Variants in GRIP1 observed in about 807,000 individuals in gnomAD.
GRIP1 encodes the protein glutamate receptor interacting protein 1, also known as glutamate receptor-interacting protein 1.
GRIP1 carries 45 observed loss-of-function variants against 129.9 expected under a neutral mutation model. That is an observed-to-expected ratio of 0.35 (90% CI 0.27 to 0.44). The LOEUF is 0.44. Among genes scored for constraint, GRIP1 ranks in the 20% least tolerant of loss-of-function variants. GRIP1 has a pLI of 1.00. For missense variants in GRIP1, 1,196 were observed against 1,396.8 expected (o/e 0.86, Z 2.29); for synonymous variants, 530 against 520.8 (o/e 1.02, Z -0.24).
At chr12:66,364,988 T>A (rs1368934587) in intron 23 of GRIP1, among the ~76,000 whole-genome samples, 1 of 152,174 alleles carries the variant, frequency 6.6e-6, no homozygotes, top group Non-Finnish European at 1.5e-5. Context: ...CTGAGACTTG[T>A]CTCAGTCATT....
At chr12:66,791,567 G>C (rs2038538057) in intron 1 of GRIP1, among the ~76,000 whole-genome samples, 1 of 152,192 alleles carries the variant, frequency 6.6e-6, no homozygotes, top group Admixed American at 6.5e-5. Context: ...GGGTTGTAAG[G>C]ATGAAGTCTC....
At chr12:66,405,339 T>C (rs1201175918) in intron 16 of GRIP1, among the ~76,000 whole-genome samples, 1 of 152,240 alleles carries the variant, frequency 6.6e-6, no homozygotes, top group Admixed American at 6.5e-5. Context: ...GTTTACTTTA[T>C]GGATCCATAT....
chr12:66,963,117 G>A lies in GRIP1; in HGVS notation c.58+105933C>T, dbSNP rs1299091188. ...CTTGAGCCCAGAGTTTGAGATCAGC[G>A]TGAGCAACATGGTGGGACCCCACCT... On this transcript the variant is annotated intron_variant, in intron 1 of 1. Coordinates refer to the GRIP1 transcript ENST00000643019. Among the ~76,000 whole-genome samples the A allele has an allele frequency of 5.3e-5, 8 of 151,942 alleles. No homozygotes were observed. The South Asian group carries it at 6.2e-4, about 12-fold the overall frequency.
At chr12:66,608,983 C>G (rs909544238) in intron 1 of GRIP1, among the ~76,000 whole-genome samples, 2 of 148,012 alleles carry the variant, frequency 1.4e-5, no homozygotes, top group Admixed American at 1.3e-4. Flanking sequence ...TTTTTTACAG[C>G]ACTTATAATC....
chr12:66,946,127 T>G (rs1051245711), intron 1 of GRIP1, among the ~76,000 whole-genome samples: 2 of 152,318 alleles, frequency 1.3e-5, no homozygotes, highest in Non-Finnish European at 1.5e-5. Context: ...AAAAGACCTT[T>G]CTATTTCTTT....
chr12:66,715,320 C>G (rs1438616031), intron 1 of GRIP1, among the ~76,000 whole-genome samples: 1 of 151,990 alleles, frequency 6.6e-6, no homozygotes, highest in African/African-American at 2.4e-5. Context: ...TCTCCCCAGA[C>G]AGTGCTCATG....
At chr12:66,431,935 T>G (rs1180199837) in intron 14 of GRIP1, among the ~76,000 whole-genome samples, 1 of 152,120 alleles carries the variant, frequency 6.6e-6, no homozygotes, top group Non-Finnish European at 1.5e-5. Flanking sequence ...CTGTGCACTA[T>G]GGAGGAATTC....
intron 1 of GRIP1, among the ~76,000 whole-genome samples, chr12:66,953,960 C>T (rs887390955): frequency 6.6e-5 from 10 of 151,896 alleles, no homozygotes; most frequent in African/African-American, 9.7e-5. Flanking sequence ...GCTTTCCGAC[C>T]CCCCAAAACT....
intron 1 of GRIP1, among the ~76,000 whole-genome samples, chr12:66,658,993 G>A (rs1489569271): frequency 6.6e-6 from 1 of 151,928 alleles, no homozygotes; most frequent in Non-Finnish European, 1.5e-5. Flanking sequence ...ATAAAAAGCG[G>A]CTCCTGAACT....
intron 1 of GRIP1, among the ~76,000 whole-genome samples, chr12:66,672,375 G>A (rs1027098766): frequency 6.6e-6 from 1 of 152,134 alleles, no homozygotes; most frequent in Non-Finnish European, 1.5e-5. Context: ...CATTGACTGA[G>A]ACATCCAAGA....
chr12:67,023,803 A>G (rs1005530785), intron 1 of GRIP1, among the ~76,000 whole-genome samples: 9 of 152,184 alleles, frequency 5.9e-5, no homozygotes, highest in Admixed American at 1.3e-4. Flanking sequence ...ACCAGGAACT[A>G]GAGGGTAAGC....
At chr12:67,036,794 T>C (rs1005286356) in intron 1 of GRIP1, among the ~76,000 whole-genome samples, 6 of 152,238 alleles carry the variant, frequency 3.9e-5, no homozygotes, top group Middle Eastern at 3.4e-3. Flanking sequence ...CTTCTACTTA[T>C]CCCATCAAGT....
intron 13 of GRIP1, 34 bp downstream of exon 13, chr12:66,444,550 C>T (rs757521544): frequency 1.4e-6 from 2 of 1,425,648 alleles, no homozygotes; most frequent in Non-Finnish European, 9.8e-7. Flanking sequence ...ATATAACTCA[C>T]ATGCAGTCCA....
chr12:66,822,552 T>C (rs1222688618), intron 1 of GRIP1, among the ~76,000 whole-genome samples: 1 of 152,178 alleles, frequency 6.6e-6, no homozygotes, highest in Non-Finnish European at 1.5e-5. Context: ...CATGAACTCA[T>C]ATGTTTGTCA....
chr12:66,951,259 T>C (rs2041752424), intron 1 of GRIP1, among the ~76,000 whole-genome samples: 1 of 152,242 alleles, frequency 6.6e-6, no homozygotes, highest in Admixed American at 6.5e-5. Context: ...ATTAACAATA[T>C]TTAAGTGGTT....
chr12:66,563,784 TA>T (rs1470061563), intron 2 of GRIP1: 1 of 152,172 alleles, frequency 6.6e-6, no homozygotes, highest in Non-Finnish European at 1.5e-5. Context: ...TGTATATAAT[TA>T]AATACAATTG....
upstream of GRIP1, among the ~76,000 whole-genome samples, chr12:66,683,301 T>G (rs1027929573): frequency 6.6e-6 from 1 of 152,108 alleles, no homozygotes; most frequent in Non-Finnish European, 1.5e-5. Context: ...TGTCTGCTAC[T>G]TAGTTCAACT....
At chr12:66,581,907 A>G (rs1266737368) in intron 2 of GRIP1, among the ~76,000 whole-genome samples, 1 of 152,204 alleles carries the variant, frequency 6.6e-6, no homozygotes, top group Non-Finnish European at 1.5e-5. Flanking sequence ...TCATTTTATG[A>G]GGCCAGCATC....
intron 23 of GRIP1, among the ~76,000 whole-genome samples, chr12:66,362,528 A>G (rs1441667308): frequency 6.6e-6 from 1 of 151,900 alleles, no homozygotes; most frequent in African/African-American, 2.4e-5. Flanking sequence ...GGACGATAGG[A>G]CTGTTCTCCA....
Sources: gnomAD v4.1 joint callset for allele counts (sites outside exome capture counted in the v4.1 genomes callset) on GRCh38, gnomAD v4.1.1 for gene constraint, MANE v1.5 for transcripts, NCBI Gene and HGNC (gene_info 2026-07-23, HGNC 2026-07-21) for gene names.